EWSR1: variants seen among roughly 807,000 people sequenced by gnomAD.
EWSR1 encodes the protein EWS RNA binding protein 1, also known as RNA-binding protein EWS.
In EWSR1, 14 loss-of-function variants were observed where a neutral mutation model predicts 92.1. The ratio of observed to expected loss-of-function variants is 0.15; its 90% CI spans 0.10 to 0.24. The LOEUF (loss-of-function observed/expected upper bound fraction) is 0.24, where lower values mean the gene tolerates loss of function less well. Ranked by LOEUF, EWSR1 falls within the 10% of genes least tolerant of loss-of-function variation. EWSR1 has a pLI of 1.00. For missense variants in EWSR1, 637 were observed against 870.9 expected (o/e 0.73, Z 3.38); for synonymous variants, 303 against 292.9 (o/e 1.03, Z -0.35).
chr22:29,283,910 C>G (rs2059816666), intron 6 of EWSR1, among the ~76,000 whole-genome samples: 1 of 151,076 alleles, frequency 6.6e-6, no homozygotes, highest in South Asian at 2.1e-4. Flanking sequence ...TCTTGGCTCA[C>G]CGCAACCTCT....
intron 4 of EWSR1, chr22:29,274,299 CA>C: frequency 6.2e-7 from 1 of 1,613,522 alleles, no homozygotes; most frequent in Non-Finnish European, 8.5e-7. Context: ...CTATCCTGCT[CA>C]TTCTTGCATG....
At chr22:29,295,731 C>T (rs2060808048) in intron 11 of EWSR1, 1 of 225,818 alleles carries the variant, frequency 4.4e-6, no homozygotes, top group Non-Finnish European at 8.8e-6. Context: ...GAATTCAAGT[C>T]AACCACATCT....
rs746719599 is a variant in EWSR1 at position 29,286,943 on chromosome 22, C to G, written c.602C>G (p.Thr201Ser). The G allele has an allele frequency of 2.5e-6, 4 of 1,612,510 alleles. No homozygotes were observed. Among genetic ancestry groups the G allele is most frequent in the African/African-American group, 1.3e-5 (1 of 74,462 alleles). ...TTCAGCTATTCCTCTACACAGCCGA[C>G]TAGTTATGATCAGAGCAGTTACTCT... The part of the protein sequence containing the change: ...PPTSYSSTQP[T>S]SYDQSSYSQQ... Residue 201 changes from threonine (T) to serine (S), a missense_variant, in exon 7 of 17, where the codon ACT (threonine) becomes AGT (serine). Thr to Ser is a moderately conservative substitution (Grantham distance 58). Around this residue, in one of 5 missense-constraint regions of EWSR1, gnomAD observed 116 missense variants for 167.8 expected, o/e 0.69. Coordinates refer to ENST00000397938, the MANE Select transcript of EWSR1 (RefSeq NM_005243.4).
At chr22:29,293,823 C>A (rs1407138250) in intron 11 of EWSR1, among the ~76,000 whole-genome samples, 2 of 151,906 alleles carry the variant, frequency 1.3e-5, no homozygotes, top group African/African-American at 4.8e-5. Context: ...GCCGCCTCAA[C>A]TCCCAAAGTT....
At position 29,300,310 on chromosome 22, in the gene EWSR1, A is replaced by G. The variant is rs1204850687; in HGVS notation, c.*149A>G. On this transcript the variant is annotated 3_prime_UTR_variant, in exon 17 of 17. Coordinates refer to ENST00000397938, the MANE Select transcript of EWSR1 (RefSeq NM_005243.4). ...CTTTAGTATTTTTCACCATTTGTGA[A>G]GAAACATTAAAACAAGTTAAATGGT... The G allele has an allele frequency of 1.3e-6, 1 of 779,676 alleles. No homozygotes were observed. Among genetic ancestry groups the G allele is most frequent in the Non-Finnish European group, 2.0e-6 (1 of 499,456 alleles). 48.3% of individuals were successfully genotyped at this position (779,676 alleles called of 1,614,324 possible). A position where few individuals can be genotyped will look rare whatever the true frequency, so the allele number is the denominator to read the frequency against.
At chr22:29,284,053 T>C (rs2059827581) in intron 6 of EWSR1, among the ~76,000 whole-genome samples, 1 of 149,332 alleles carries the variant, frequency 6.7e-6, no homozygotes, top group Non-Finnish European at 1.5e-5. Context: ...AGGCTGGTCT[T>C]GAACTCCCAT....
chr22:29,275,752 T>C (rs2059060346), intron 4 of EWSR1: 1 of 229,130 alleles, frequency 4.4e-6, no homozygotes, highest in African/African-American at 2.2e-5. Flanking sequence ...AAAATTAAAC[T>C]TCAGAAGAAA....
intron 15 of EWSR1, 82 bp downstream of exon 15, chr22:29,299,413 T>G: frequency 6.5e-7 from 1 of 1,542,008 alleles, no homozygotes; most frequent in Non-Finnish European, 8.8e-7. Context: ...TAAACTGCAG[T>G]TGCCCTCTGC....
chr22:29,276,619 G>C, intron 4 of EWSR1: 1 of 226,530 alleles, frequency 4.4e-6, no homozygotes. Flanking sequence ...TTTTTCTTTA[G>C]TGAGATGTAG....
At chr22:29,275,450 G>T (rs1273468866) in intron 4 of EWSR1, among the ~76,000 whole-genome samples, 3 of 152,154 alleles carry the variant, frequency 2.0e-5, no homozygotes, top group Admixed American at 2.0e-4. Flanking sequence ...GCTTTGATGA[G>T]CTGGAGATTG....
intron 5 of EWSR1, among the ~76,000 whole-genome samples, chr22:29,281,517 C>T (rs1249556381): frequency 2.6e-5 from 4 of 151,916 alleles, no homozygotes; most frequent in Non-Finnish European, 5.9e-5. Flanking sequence ...TATTACCAGG[C>T]TGGTCTGAAA....
At chr22:29,280,674 GTTTT>G (rs1005931943) in intron 5 of EWSR1, among the ~76,000 whole-genome samples, 1 of 134,978 alleles carries the variant, frequency 7.4e-6, no homozygotes, top group African/African-American at 2.7e-5. Flanking sequence ...GGTTTGGTTG[GTTTT>G]TTTTTTTTTT....
At chr22:29,288,460 C>G in intron 7 of EWSR1, 146 bp from the exon 8 acceptor site, 1 of 655,124 alleles carries the variant, frequency 1.5e-6, no homozygotes, top group Non-Finnish European at 2.5e-6. Flanking sequence ...AAGAGCCTAC[C>G]TATTAAGGAT....
chr22:29,269,767 T>C (rs1222175237), intron 1 of EWSR1: 1 of 152,056 alleles, frequency 6.6e-6, no homozygotes, highest in Non-Finnish European at 1.5e-5. Flanking sequence ...TGGGAAGTGG[T>C]TTCCTAGGTG....
chr22:29,270,708 T>A (rs1275271736), intron 1 of EWSR1, among the ~76,000 whole-genome samples: 1 of 152,218 alleles, frequency 6.6e-6, no homozygotes, highest in Admixed American at 6.5e-5. Context: ...TTACAATCAC[T>A]TCTCAAGCAA....
At chr22:29,296,592 A>G (rs758978884) in intron 12 of EWSR1, among the ~76,000 whole-genome samples, 1 of 152,226 alleles carries the variant, frequency 6.6e-6, no homozygotes, top group Non-Finnish European at 1.5e-5. Flanking sequence ...TAAAGTGGCA[A>G]ACACTTCCTA....
At chr22:29,291,632 TAAA>T (rs745310232) in intron 9 of EWSR1, 33 bp downstream of exon 9, 4 of 1,558,206 alleles carry the variant, frequency 2.6e-6, no homozygotes, top group Non-Finnish European at 3.5e-6. Context: ...AGATAGTGTT[TAAA>T]AAAAAATGCA....
intron 6 of EWSR1, among the ~76,000 whole-genome samples, chr22:29,284,651 C>T (rs550733693): frequency 2.3e-4 from 34 of 150,966 alleles, no homozygotes; most frequent in South Asian, 1.7e-3. Context: ...TTTTGGAGAC[C>T]GGGTCTCACT....
intron 11 of EWSR1, among the ~76,000 whole-genome samples, chr22:29,293,655 C>T (rs1432463152): frequency 6.6e-6 from 1 of 152,132 alleles, no homozygotes; most frequent in Non-Finnish European, 1.5e-5. Context: ...GCCTCTGGCT[C>T]CTGGGTTCAA....
Sources: gnomAD v4.1 joint callset for allele counts (sites outside exome capture counted in the v4.1 genomes callset) on GRCh38, gnomAD v4.1.1 for gene constraint, gnomAD v4.1.1 regional missense constraint, MANE v1.5 for transcripts, NCBI Gene and HGNC (gene_info 2026-07-23, HGNC 2026-07-21) for gene names.